ELFN1: variants seen among roughly 807,000 people sequenced by gnomAD.
ELFN1 encodes the protein extracellular leucine rich repeat and fibronectin type III domain containing 1.
ELFN1 carries 6 observed loss-of-function variants against 7.6 expected under a neutral mutation model. That is an observed-to-expected ratio of 0.79 (90% CI 0.43 to 1.56). The LOEUF (loss-of-function observed/expected upper bound fraction) is 1.56, where lower values mean the gene tolerates loss of function less well. Among genes scored for constraint, ELFN1 ranks in the 40% most tolerant of loss-of-function variants. The pLI, the probability that ELFN1 is intolerant of heterozygous loss-of-function variation, is 0.01. For missense variants in ELFN1, 1,169 were observed against 1,232.2 expected, an observed-to-expected ratio of 0.95 and a Z score of 0.77; for synonymous variants, 657 against 588.1, an observed-to-expected ratio of 1.12 and a Z score of -1.70.
intron 3 of ELFN1, among the ~76,000 whole-genome samples, chr7:1,722,228 A>G (rs1002173124): frequency 6.6e-6 from 1 of 150,658 alleles, no homozygotes; most frequent in Non-Finnish European, 1.5e-5. Context: ...TCTAAAGTTC[A>G]TGAGTCATCC....
At chr7:1,670,203 A>G (rs1778735959), upstream of ELFN1, among the ~76,000 whole-genome samples, 1 of 150,016 alleles carries the variant, frequency 6.7e-6, no homozygotes, top group Non-Finnish European at 1.5e-5. This position sits in a 1 kb window ranked among gnomAD's most constrained non-coding sequence, Gnocchi z 6.4. Context: ...GGCGAGCTTG[A>G]ATTCCCCCCC....
rs777068156 is a variant in ELFN1, at chr7:1,744,662, C to T, written c.66C>T (p.Gly22=). 1.1e-5 allele frequency: 17 copies of T among 1,550,614 alleles called. No homozygotes were observed. The highest frequency in any genetic ancestry group is 1.7e-4 in the Middle Eastern group (1 of 5,974). Residue 22 remains glycine, a synonymous_variant, in exon 4 of 4, where the codon GGC becomes GGT. Transcript: ENST00000424383. ...CVAAATLLHA[G]GLARADCWLI... ...CGGCCGCCACCCTGCTGCACGCTGG[C>T]GGCCTGGCCCGCGCAGACTGCTGGC... is the stretch of plus-strand genomic sequence containing the variant.
At chr7:1,720,180 G>A (rs971164341) in intron 3 of ELFN1, among the ~76,000 whole-genome samples, 4 of 152,198 alleles carry the variant, frequency 2.6e-5, no homozygotes, top group African/African-American at 9.7e-5. Context: ...CCCACCCTCT[G>A]CCCATTTTCC....
At chr7:1,699,598 A>T (rs1164328517) in intron 2 of ELFN1, among the ~76,000 whole-genome samples, 4 of 152,176 alleles carry the variant, frequency 2.6e-5, no homozygotes, top group Non-Finnish European at 5.9e-5. Context: ...ACCATGATGC[A>T]TCACTGCACT....
intron 1 of ELFN1, among the ~76,000 whole-genome samples, chr7:1,680,017 A>G (rs766160798): frequency 2.0e-5 from 3 of 152,258 alleles, no homozygotes; most frequent in Admixed American, 6.5e-5. Flanking sequence ...TTCATTAAAC[A>G]TGACCATGAA....
rs115730660 is a variant in ELFN1 at position 1,694,874 on chromosome 7, A to T, written c.-456+6724A>T. Among the ~76,000 whole-genome samples, 613 of 152,336 alleles carry T rather than the reference A, an allele frequency of 4.0e-3. 4 individuals carry two copies. The highest frequency in any genetic ancestry group is 0.014 in the African/African-American group (579 of 41,568). On this transcript the variant is annotated intron_variant, in intron 2 of 3. Coordinates refer to ENST00000424383, the MANE Select transcript of ELFN1 (RefSeq NM_001128636.4). Reference sequence around the variant, plus strand: ...TTTCTTGATCTCCACTGCTATTAATAGTTTAATTCCAGAACCAAAGAAACT... The same window carrying T: ...TTTCTTGATCTCCACTGCTATTAATTGTTTAATTCCAGAACCAAAGAAACT...
At chr7:1,733,734 C>T (rs535951307) in intron 3 of ELFN1, among the ~76,000 whole-genome samples, 1 of 152,230 alleles carries the variant, frequency 6.6e-6, no homozygotes, top group East Asian at 1.9e-4. Flanking sequence ...AAAACCATGC[C>T]CCAAATCTCT....
Position 1,682,440 on chromosome 7 carries a change from T to C in ELFN1, c.-548-5618T>C, listed in dbSNP as rs145072789. 1.7e-3 allele frequency among the ~76,000 whole-genome samples: 266 copies of C among 152,134 alleles called. 1 individual carries two copies. The highest frequency in any genetic ancestry group is 6.2e-3 in the African/African-American group (259 of 41,508). ...AAGTATATGCCTATTTTTATTTTAT[T>C]TTATTTTTTTTATTTTCAGAGACAG... On this transcript the variant is annotated intron_variant, in intron 1 of 3. Coordinates refer to ENST00000424383, the MANE Select transcript of ELFN1 (RefSeq NM_001128636.4).
intron 3 of ELFN1, among the ~76,000 whole-genome samples, chr7:1,711,983 A>T (rs1004990039): frequency 6.6e-6 from 1 of 152,208 alleles, no homozygotes; most frequent in Non-Finnish European, 1.5e-5. Flanking sequence ...GTGGACAGTT[A>T]GGGCGAGGAC....
At chr7:1,680,508 T>C (rs1026741145) in intron 1 of ELFN1, among the ~76,000 whole-genome samples, 9 of 152,146 alleles carry the variant, frequency 5.9e-5, no homozygotes, top group Non-Finnish European at 1.2e-4. Flanking sequence ...TCTTTTTTCT[T>C]CCTGAGCAGC....
At chr7:1,687,364 CA>C (rs1233041179) in intron 1 of ELFN1, among the ~76,000 whole-genome samples, 2 of 149,162 alleles carry the variant, frequency 1.3e-5, no homozygotes, top group Non-Finnish European at 3.0e-5. Flanking sequence ...TTTTTTTAAA[CA>C]AAACTTAAAA....
intron 2 of ELFN1, among the ~76,000 whole-genome samples, chr7:1,708,741 C>T (rs996433074): frequency 7.9e-5 from 12 of 152,116 alleles, no homozygotes; most frequent in Non-Finnish European, 2.9e-5. Flanking sequence ...GTGAGCCCCA[C>T]CTTTACCCCA....
intron 3 of ELFN1, among the ~76,000 whole-genome samples, chr7:1,734,339 T>C (rs539358401): frequency 3.9e-5 from 6 of 152,270 alleles, no homozygotes; most frequent in African/African-American, 1.4e-4. Flanking sequence ...TGCAAAGTGA[T>C]TTCTCCCTCC....
In ELFN1 at chr7:1,747,267, C is replaced by T. The variant is rs1465545560; in HGVS notation, c.*184C>T. 5.2e-6 allele frequency: 3 copies of T among 576,170 alleles called. No homozygotes were observed. The highest frequency in any genetic ancestry group is 4.0e-5 in the African/African-American group (2 of 49,494). The allele number at this position is 576,170 out of a possible 1,614,324, so 35.7% of individuals were successfully genotyped here. A position where few individuals can be genotyped will look rare whatever the true frequency, so the allele number is the denominator to read the frequency against. Reference sequence around the variant, plus strand: ...CACGTCCCGAGCTCCTGTGGCCGGTCCTGGGATGCGCTTGTCGCCCCGGGT... The same window carrying T: ...CACGTCCCGAGCTCCTGTGGCCGGTTCTGGGATGCGCTTGTCGCCCCGGGT... On this transcript the variant is annotated 3_prime_UTR_variant, in exon 4 of 4. Coordinates refer to ENST00000424383, the MANE Select transcript of ELFN1 (RefSeq NM_001128636.4).
chr7:1,688,687 T>A (rs971924227), intron 2 of ELFN1, among the ~76,000 whole-genome samples: 12 of 152,124 alleles, frequency 7.9e-5, no homozygotes, highest in Admixed American at 6.6e-4. Flanking sequence ...TACAGAGAGA[T>A]CTCATGTACC....
chr7:1,678,651 C>G (rs995901900), intron 1 of ELFN1, among the ~76,000 whole-genome samples: 3 of 152,198 alleles, frequency 2.0e-5, no homozygotes, highest in African/African-American at 7.2e-5. Flanking sequence ...CTCTGGTGTC[C>G]TCTTCCTGCA....
In ELFN1 at chr7:1,705,937, G is replaced by A. The variant is rs1276496309; in HGVS notation, c.-455-3154G>A. On this transcript the variant is annotated intron_variant, in intron 2 of 3. Coordinates refer to ENST00000424383, the MANE Select transcript of ELFN1 (RefSeq NM_001128636.4). The surrounding 1 kb of genome is among the most constrained non-coding windows in gnomAD (Gnocchi z 4.3). ...GGTTCCAGACGAGATTGAACTGTGA[G>A]CCTTCACCCTGACAAAGGGATGGTC... 2.0e-5 allele frequency among the ~76,000 whole-genome samples: 3 copies of A among 152,192 alleles called. No individual in the cohort carries two copies. The highest frequency in any genetic ancestry group is 4.8e-5 in the African/African-American group (2 of 41,448).
rs1165997795 is a variant in ELFN1 at position 1,735,578 on chromosome 7, T to G, written c.-293-8726T>G. Among the ~76,000 whole-genome samples the G allele has an allele frequency of 2.0e-5, 3 of 151,386 alleles. No homozygotes were observed. Among genetic ancestry groups the G allele is most frequent in the African/African-American group, 7.3e-5 (3 of 41,192 alleles). On this transcript the variant is annotated intron_variant, in intron 3 of 3. Transcript: ENST00000424383. The surrounding 1 kb of genome is among the most constrained non-coding windows in gnomAD (Gnocchi z 5.9). ...ACCCCCGCCAGCCTCCCCTGGACAA[T>G]AGGATGGGAGCAGGGAGCGGAAGAG... is the stretch of plus-strand genomic sequence containing the variant.
intron 2 of ELFN1, chr7:1,693,493 A>G (rs957411973): frequency 4.2e-6 from 2 of 471,062 alleles, no homozygotes; most frequent in Non-Finnish European, 8.8e-6. Flanking sequence ...GGGACAGAGT[A>G]TACGATGTGT....
Sources: gnomAD v4.1 joint callset for allele counts (sites outside exome capture counted in the v4.1 genomes callset) on GRCh38, gnomAD v4.1.1 for gene constraint, Gnocchi (gnomAD v3.1) non-coding constraint, MANE v1.5 for transcripts, NCBI Gene and HGNC (gene_info 2026-07-23, HGNC 2026-07-21) for gene names.